Variants in TCERG1 observed in about 807,000 individuals in gnomAD.
TCERG1 encodes transcription elongation regulator 1.
In TCERG1, 37 loss-of-function variants were observed where a neutral mutation model predicts 144.7. The observed-to-expected ratio is 0.26, with a 90% CI of 0.20 to 0.34. TCERG1 has a LOEUF of 0.34. Ranked by LOEUF, TCERG1 falls within the 10% of genes least tolerant of loss-of-function variation. The pLI is 1.00. For missense variants in TCERG1, 1,027 were observed against 1,380.7 expected, an observed-to-expected ratio of 0.74 and a Z score of 4.06; for synonymous variants, 492 against 458.2, an observed-to-expected ratio of 1.07 and a Z score of -0.94.
chr5:146,507,159 C>T lies in TCERG1; in HGVS notation c.2913C>T (p.Thr971=). The T allele has an allele frequency of 1.9e-6, 3 of 1,599,116 alleles. No individual in the cohort carries two copies. Among genetic ancestry groups the T allele is most frequent in the Non-Finnish European group, 2.6e-6 (3 of 1,174,938 alleles). ...KLFNEHIEAL[T]KKKREHFRQL... is the part of the protein sequence containing the mutation. ...TTAATGAACACATTGAAGCACTTAC[C>T]AAAAAAAAGAGAGAGCACTTTAGGC... Residue 971 remains threonine, a synonymous_variant, in exon 20 of 23, where the codon ACC becomes ACT. Coordinates refer to ENST00000679501, the MANE Select transcript of TCERG1 (RefSeq NM_001382548.1). The surrounding 1 kb of genome is among the most constrained non-coding windows in gnomAD (Gnocchi z 4.6).
Position 146,507,787 on chromosome 5 carries a change from GT to G in TCERG1, c.2962-85del, listed in dbSNP as rs150235872. 7.6e-4 allele frequency: 642 copies of G among 840,476 alleles called. 3 individuals carry two copies. In the African/African-American group the frequency reaches 0.01, roughly 13 times the overall value. The allele number at this position is 840,476 out of a possible 1,614,324, so 52.1% of individuals were successfully genotyped here. A position where few individuals can be genotyped will look rare whatever the true frequency, so the allele number is the denominator to read the frequency against. On this transcript the variant is annotated intron_variant, in intron 20 of 22. Coordinates refer to ENST00000679501, the MANE Select transcript of TCERG1 (RefSeq NM_001382548.1). This position sits in a 1 kb window ranked among gnomAD's most constrained non-coding sequence, Gnocchi z 4.6. ...ATTACAAGAGATCGCAGGTCAGTGT[GT>G]AATATTATGTACCTATGTGCTGCAG...
chr5:146,480,082 CA>C lies in TCERG1; in HGVS notation c.1881del (p.Lys627AsnfsTer54). 3 of 1,590,116 alleles carry C rather than the reference CA, an allele frequency of 1.9e-6. No individual in the cohort carries two copies. Among genetic ancestry groups the C allele is most frequent in the South Asian group, 2.3e-5 (2 of 86,906 alleles). On this transcript the variant is annotated frameshift_variant, in exon 12 of 23. Transcript: ENST00000679501. LOFTEE classifies it high-confidence loss of function. ...ATTAATGAAGATGAGCCTGTTAAAGCAAAAAAACGGAAGTAAGTAATACATA... is the reference window on the plus strand; with the variant it reads ...ATTAATGAAGATGAGCCTGTTAAAGCAAAAAACGGAAGTAAGTAATACATA... ...EEINEDEPVK[A>X]KKRKRMSKKS...
At chr5:146,505,102 A>G (rs1561706786) in intron 19 of TCERG1, among the ~76,000 whole-genome samples, 2 of 151,942 alleles carry the variant, frequency 1.3e-5, no homozygotes, top group Non-Finnish European at 2.9e-5. Context: ...AAAAAAAAAA[A>G]AAAGGACAAA....
intron 16 of TCERG1, among the ~76,000 whole-genome samples, chr5:146,497,576 A>G (rs1045687977): frequency 6.6e-6 from 1 of 152,198 alleles, no homozygotes; most frequent in African/African-American, 2.4e-5. Context: ...TTTTTGATTG[A>G]ATATTGGACT....
chr5:146,449,565 T>C (rs1345181631), intron 1 of TCERG1, among the ~76,000 whole-genome samples: 1 of 152,244 alleles, frequency 6.6e-6, no homozygotes, highest in African/African-American at 2.4e-5. Context: ...TCTTTTTATT[T>C]CTTGCCCCTC....
At position 146,507,031 on chromosome 5, in the gene TCERG1, C is replaced by A. The variant is rs751436201; in HGVS notation, c.2785C>A (p.Arg929Ser). The A allele has an allele frequency of 6.4e-7, 1 of 1,568,176 alleles. No homozygotes were observed. Among genetic ancestry groups the A allele is most frequent in the Non-Finnish European group, 8.6e-7 (1 of 1,164,168 alleles). Residue 929 changes from arginine to serine, a missense_variant, in exon 20 of 23, where the codon CGT (arginine) becomes AGT (serine). Arg to Ser is a moderately radical substitution (Grantham distance 110, BLOSUM62 -1). This residue lies in a region of TCERG1 where 133 missense variants were observed against 283.2 expected (regional missense o/e 0.47). Coordinates refer to ENST00000679501, the MANE Select transcript of TCERG1 (RefSeq NM_001382548.1). This position sits in a 1 kb window ranked among gnomAD's most constrained non-coding sequence, Gnocchi z 4.6. Reference protein sequence around the residue: ...NFKALLSDMVRSSDVSWSDTR... With the variant: ...NFKALLSDMVSSSDVSWSDTR... ...ATATATAATTTTTTCTCTTCAGGTA[C>A]GTTCTTCAGATGTGTCATGGTCTGA... is the stretch of plus-strand genomic sequence containing the variant.
At chr5:146,467,130 T>C (rs1763867016) in intron 5 of TCERG1, among the ~76,000 whole-genome samples, 1 of 152,170 alleles carries the variant, frequency 6.6e-6, no homozygotes, top group South Asian at 2.1e-4. Flanking sequence ...AAGTTTACTT[T>C]ATTCTTTATA....
Position 146,507,794 on chromosome 5 carries a change from T to A in TCERG1, c.2962-79T>A. Reference sequence around the variant, plus strand: ...GAGATCGCAGGTCAGTGTGTAATATTATGTACCTATGTGCTGCAGTTTGAC... The same window carrying A: ...GAGATCGCAGGTCAGTGTGTAATATAATGTACCTATGTGCTGCAGTTTGAC... On this transcript the variant is annotated intron_variant, in intron 20 of 22. Coordinates refer to ENST00000679501, the MANE Select transcript of TCERG1 (RefSeq NM_001382548.1). This position sits in a 1 kb window ranked among gnomAD's most constrained non-coding sequence, Gnocchi z 4.6. The A allele has an allele frequency of 1.1e-6, 1 of 921,928 alleles. No individual in the cohort carries two copies. Among genetic ancestry groups the A allele is most frequent in the Non-Finnish European group, 1.7e-6 (1 of 597,110 alleles). 57.1% of individuals were successfully genotyped at this position (921,928 alleles called of 1,614,324 possible).
At chr5:146,488,076 C>T (rs561822537) in intron 15 of TCERG1, among the ~76,000 whole-genome samples, 2 of 152,222 alleles carry the variant, frequency 1.3e-5, no homozygotes, top group Admixed American at 6.5e-5. Context: ...AGAACCCCAC[C>T]TCTTAGCCTA....
At position 146,510,838 on chromosome 5, in the gene TCERG1, C is replaced by A. The variant is rs1176852616; in HGVS notation, c.*196C>A. The A allele has an allele frequency of 2.1e-6, 1 of 472,622 alleles. No individual in the cohort carries two copies. Among genetic ancestry groups the A allele is most frequent in the Non-Finnish European group, 3.7e-6 (1 of 272,848 alleles). 29.3% of individuals were successfully genotyped at this position (472,622 alleles called of 1,614,324 possible). Reference sequence around the variant, plus strand: ...TTCTTTGTGTGGCATGACTGACATACATACTCAAATATAGGCTGTCTCTAG... The same window carrying A: ...TTCTTTGTGTGGCATGACTGACATAAATACTCAAATATAGGCTGTCTCTAG... On this transcript the variant is annotated 3_prime_UTR_variant, in exon 23 of 23. Coordinates refer to ENST00000679501, the MANE Select transcript of TCERG1 (RefSeq NM_001382548.1).
intron 19 of TCERG1, among the ~76,000 whole-genome samples, chr5:146,505,908 C>G (rs1057036277): frequency 1.3e-5 from 2 of 152,122 alleles, no homozygotes; most frequent in African/African-American, 4.8e-5. Context: ...TCCTGAGTAG[C>G]TGGGACTACA....
At chr5:146,498,094 AC>A (rs200842683) in intron 16 of TCERG1, among the ~76,000 whole-genome samples, 3,554 of 151,706 alleles carry the variant, frequency 0.023, 63 homozygotes, top group African/African-American at 0.041. Flanking sequence ...TTTCAGTCTT[AC>A]TCTTTCTGTT....
At position 146,463,635 on chromosome 5, in the gene TCERG1, C is replaced by T; in HGVS notation, c.977C>T (p.Ala326Val). ...TVSVSTPAPT[A>V]TPVQTVPQPH... Reference sequence around the variant, plus strand: ...AGTGTTTCAACTCCTGCTCCTACAGCCACACCTGTGCAAACCGTTCCCCAG... The same window carrying T: ...AGTGTTTCAACTCCTGCTCCTACAGTCACACCTGTGCAAACCGTTCCCCAG... Residue 326 changes from alanine (A) to valine (V), a missense_variant, in exon 5 of 23, where the codon GCC becomes GTC. By Grantham distance (64) the Ala-to-Val change is moderately conservative (BLOSUM62 0). Transcript: ENST00000679501. 6.2e-7 allele frequency: 1 copy of T among 1,614,220 alleles called. No homozygotes were observed. The highest frequency in any genetic ancestry group is 8.5e-7 in the Non-Finnish European group (1 of 1,180,040).
chr5:146,505,005 CACTGCACTCCA>C (rs772086065), intron 19 of TCERG1, among the ~76,000 whole-genome samples: 52 of 151,616 alleles, frequency 3.4e-4, no homozygotes, highest in Non-Finnish European at 6.5e-4. Context: ...GAGATCGCGC[CACTGCACTCCA>C]GCCTGGCGAC....
chr5:146,457,056 A>T, intron 2 of TCERG1, 127 bp from the exon 3 acceptor site: 1 of 1,237,128 alleles, frequency 8.1e-7, no homozygotes, highest in Non-Finnish European at 1.1e-6. Flanking sequence ...CTTCTATGAC[A>T]GGTGAATGTG....
rs1305479082 is a variant in TCERG1, at chr5:146,509,175, A to G, written c.3076A>G (p.Arg1026Gly). 1 of 1,604,298 alleles carries G rather than the reference A, an allele frequency of 6.2e-7. No individual in the cohort carries two copies. Among genetic ancestry groups the G allele is most frequent in the Non-Finnish European group, 8.5e-7 (1 of 1,176,242 alleles). Residue 1026 changes from arginine to glycine, a missense_variant, in exon 22 of 23, where the codon AGA (arginine) becomes GGA (glycine). Coordinates refer to ENST00000679501, the MANE Select transcript of TCERG1 (RefSeq NM_001382548.1). ...ACAAAGAGAATTTGAAGAATATATC[A>G]GAGACAAATATATCACAGCCAAAGC... ...KKQREFEEYI[R>G]DKYITAKADF...
At chr5:146,465,118 G>T (rs936727852) in intron 5 of TCERG1, among the ~76,000 whole-genome samples, 3 of 152,162 alleles carry the variant, frequency 2.0e-5, no homozygotes, top group Non-Finnish European at 4.4e-5. Flanking sequence ...CAAGCAGCTG[G>T]ATACTTTTCT....
At chr5:146,456,489 A>G (rs1174055002) in intron 2 of TCERG1, among the ~76,000 whole-genome samples, 1 of 152,178 alleles carries the variant, frequency 6.6e-6, no homozygotes, top group African/African-American at 2.4e-5. Flanking sequence ...AGTGATTTTC[A>G]GCCAAGGGCT....
At position 146,459,350 on chromosome 5, in the gene TCERG1, C is replaced by T. The variant is rs771280596; in HGVS notation, c.892+13C>T. 5 of 1,609,314 alleles carry T rather than the reference C, an allele frequency of 3.1e-6. No individual in the cohort carries two copies. The highest frequency in any genetic ancestry group is 2.7e-5 in the African/African-American group (2 of 74,884). ...CAGACAGTATCAAGTGAGTACCACT[C>T]AGCATGTGTTTTTATATAGGGGCTA... On this transcript the variant is annotated intron_variant, in intron 4 of 22. Coordinates refer to ENST00000679501, the MANE Select transcript of TCERG1 (RefSeq NM_001382548.1).
Sources: gnomAD v4.1 joint callset for allele counts (sites outside exome capture counted in the v4.1 genomes callset) on GRCh38, gnomAD v4.1.1 for gene constraint, gnomAD v4.1.1 regional missense constraint, Gnocchi (gnomAD v3.1) non-coding constraint, MANE v1.5 for transcripts, NCBI Gene and HGNC (gene_info 2026-07-23, HGNC 2026-07-21) for gene names.